Variants in ARHGAP15 observed in about 807,000 individuals in gnomAD.
ARHGAP15 encodes rho GTPase-activating protein 15.
ARHGAP15 carries 51 observed loss-of-function variants against 63.7 expected under a neutral mutation model. The ratio of observed to expected loss-of-function variants is 0.80; its 90% CI spans 0.64 to 1.01. The LOEUF is 1.01. ARHGAP15 is among the 50% of genes least tolerant of loss of function. The probability of loss-of-function intolerance (pLI) is 0.00; values close to 1 mark genes in which losing one functional copy is unlikely to be tolerated. For missense variants in ARHGAP15, 560 were observed against 564.6 expected (o/e 0.99, Z 0.08); for synonymous variants, 191 against 193.8 (o/e 0.99, Z 0.12).
intron 6 of ARHGAP15, among the ~76,000 whole-genome samples, chr2:143,315,527 A>G (rs1391192965): frequency 6.6e-6 from 1 of 151,468 alleles, no homozygotes; most frequent in Non-Finnish European, 1.5e-5. Flanking sequence ...CTGTATTGCC[A>G]AGGAGTGGGA....
intron 9 of ARHGAP15, among the ~76,000 whole-genome samples, chr2:143,508,851 T>TTTAGGAGCTGAAAACGAGGGGCCAAA (rs1175629318): frequency 6.6e-6 from 1 of 152,060 alleles, no homozygotes; most frequent in Non-Finnish European, 1.5e-5. Context: ...TCCAGGTGAG[T>TTTAGGAGCTGAAAACGAGGGGCCAAA]TTAGGAGCTG....
chr2:143,419,691 G>C (rs1422933209), intron 6 of ARHGAP15, among the ~76,000 whole-genome samples: 1 of 151,704 alleles, frequency 6.6e-6, no homozygotes, highest in Non-Finnish European at 1.5e-5. Flanking sequence ...CATAACATAT[G>C]TATTAAAGAG....
At chr2:143,534,954 C>G (rs116678531) in intron 10 of ARHGAP15, among the ~76,000 whole-genome samples, 2 of 151,866 alleles carry the variant, frequency 1.3e-5, no homozygotes, top group African/African-American at 4.8e-5. Flanking sequence ...TTGTACTCAC[C>G]TGAAAGAAAA....
At chr2:143,496,151 T>C (rs1302539730) in intron 9 of ARHGAP15, among the ~76,000 whole-genome samples, 3 of 152,106 alleles carry the variant, frequency 2.0e-5, no homozygotes, top group Non-Finnish European at 4.4e-5. Context: ...TCTCAGGCAG[T>C]TTCTGTTATT....
intron 8 of ARHGAP15, among the ~76,000 whole-genome samples, chr2:143,467,242 C>CTTTTTTTTTTTTTTTTTTTTTTTTTTGTT (rs202115707): frequency 1.7e-5 from 1 of 57,894 alleles, no homozygotes; most frequent in African/African-American, 7.6e-5. Context: ...ACTCCATGGC[C>CTTTTTTTTTTTTTTTTTTTTTTTTTTGTT]TTTTTTTTTT....
chr2:143,334,249 CTTTT>C (rs951727454), intron 6 of ARHGAP15, among the ~76,000 whole-genome samples: 1 of 151,846 alleles, frequency 6.6e-6, no homozygotes, highest in Admixed American at 6.6e-5. Context: ...AATAAGAGTA[CTTTT>C]TTTTGTTTGG....
intron 12 of ARHGAP15, among the ~76,000 whole-genome samples, chr2:143,674,534 G>A (rs1016468245): frequency 6.6e-6 from 1 of 152,114 alleles, no homozygotes. Flanking sequence ...CCTGTAACTC[G>A]ACTACTGTTG....
At chr2:143,142,460 C>T (rs111634855) in intron 1 of ARHGAP15, among the ~76,000 whole-genome samples, 6 of 152,156 alleles carry the variant, frequency 3.9e-5, no homozygotes, top group African/African-American at 9.6e-5. Context: ...AAAGAACAAA[C>T]TTTCTTCTGC....
At chr2:143,255,649 A>G (rs1262015739) in intron 6 of ARHGAP15, among the ~76,000 whole-genome samples, 1 of 152,124 alleles carries the variant, frequency 6.6e-6, no homozygotes, top group African/African-American at 2.4e-5. Flanking sequence ...AAGGAAAACT[A>G]CTGGTATTGT....
chr2:143,664,060 A>C (rs1317494054), intron 12 of ARHGAP15, among the ~76,000 whole-genome samples: 2 of 151,798 alleles, frequency 1.3e-5, no homozygotes, highest in East Asian at 1.9e-4. Context: ...CACCAAGCGG[A>C]CCTAATAGAC....
intron 6 of ARHGAP15, among the ~76,000 whole-genome samples, chr2:143,407,564 C>T (rs570961519): frequency 2.0e-5 from 3 of 151,814 alleles, no homozygotes; most frequent in African/African-American, 7.2e-5. Flanking sequence ...CTGGGATGTT[C>T]TTCATGTAGA....
chr2:143,594,133 C>G (rs1489995046), intron 11 of ARHGAP15, among the ~76,000 whole-genome samples: 4 of 152,044 alleles, frequency 2.6e-5, no homozygotes, highest in Non-Finnish European at 4.4e-5. Context: ...GAAAAAAGAG[C>G]CTTTAAAGTT....
At chr2:143,391,697 C>T (rs1347731985) in intron 6 of ARHGAP15, among the ~76,000 whole-genome samples, 1 of 152,176 alleles carries the variant, frequency 6.6e-6, no homozygotes, top group African/African-American at 2.4e-5. Flanking sequence ...TCCTTCCCAC[C>T]ATCACTTGCA....
chr2:143,208,887 C>T (rs940535193), intron 3 of ARHGAP15, among the ~76,000 whole-genome samples: 12 of 152,020 alleles, frequency 7.9e-5, no homozygotes, highest in African/African-American at 2.9e-4. Flanking sequence ...GAGTCAAAAG[C>T]CTGTGGCAGG....
At chr2:143,598,890 C>T (rs1697636463) in intron 11 of ARHGAP15, among the ~76,000 whole-genome samples, 1 of 151,686 alleles carries the variant, frequency 6.6e-6, no homozygotes, top group South Asian at 2.1e-4. Context: ...GCACTCCATC[C>T]TCGGAGACAG....
chr2:143,368,037 T>A (rs1485186706), intron 6 of ARHGAP15, among the ~76,000 whole-genome samples: 1 of 152,082 alleles, frequency 6.6e-6, no homozygotes, highest in Non-Finnish European at 1.5e-5. Context: ...GGTAATTAAC[T>A]GATAAGAAAG....
intron 9 of ARHGAP15, among the ~76,000 whole-genome samples, chr2:143,500,700 C>T (rs1196260552): frequency 1.3e-5 from 2 of 152,146 alleles, no homozygotes; most frequent in Non-Finnish European, 2.9e-5. Context: ...ATTGCAGACT[C>T]AAGTTGCCTT....
At chr2:143,749,117 G>A (rs774390609) in intron 13 of ARHGAP15, among the ~76,000 whole-genome samples, 7 of 152,014 alleles carry the variant, frequency 4.6e-5, no homozygotes, top group Non-Finnish European at 1.0e-4. Context: ...AAGAAGTCAG[G>A]GTGCTGTCAA....
intron 13 of ARHGAP15, among the ~76,000 whole-genome samples, chr2:143,743,148 G>C (rs891873711): frequency 2.6e-5 from 4 of 152,198 alleles, no homozygotes; most frequent in African/African-American, 9.7e-5. Flanking sequence ...GAAGCGTTCA[G>C]ATTCTAAACT....
Sources: allele counts gnomAD v4.1 joint callset (sites outside exome capture counted in the v4.1 genomes callset), GRCh38; gene constraint gnomAD v4.1.1; transcripts MANE v1.5; gene names NCBI Gene and HGNC (gene_info 2026-07-23, HGNC 2026-07-21).